GALNT13: variants seen among roughly 807,000 people sequenced by gnomAD.
GALNT13 encodes UDP-GalNAc:polypeptide N-acetylgalactosaminyltransferase 13.
In GALNT13, 28 loss-of-function variants were observed where a neutral mutation model predicts 64.2. The observed-to-expected ratio is 0.44, with a 90% CI of 0.32 to 0.60. The LOEUF is 0.60. Ranked by LOEUF, GALNT13 falls within the 20% of genes least tolerant of loss-of-function variation. The pLI is 0.05. For missense variants in GALNT13, 577 were observed against 669.8 expected (o/e 0.86, Z 1.53); for synonymous variants, 214 against 224.6 (o/e 0.95, Z 0.42).
chr2:153,932,649 T>C (rs1400000991), intron 2 of GALNT13, among the ~76,000 whole-genome samples: 1 of 133,134 alleles, frequency 7.5e-6, no homozygotes, highest in Admixed American at 8.1e-5. Flanking sequence ...TTTTTTGAGA[T>C]GGAGTCTCGC....
At chr2:154,186,968 G>C (rs1423380008) in intron 4 of GALNT13, among the ~76,000 whole-genome samples, 1 of 151,548 alleles carries the variant, frequency 6.6e-6, no homozygotes, top group Non-Finnish European at 1.5e-5. Flanking sequence ...TAAGAAGCAA[G>C]ATTAAATAAC....
At chr2:153,674,128 G>A in the GALNT13 span, among the ~76,000 whole-genome samples, 10 of 152,120 alleles carry the variant, frequency 6.6e-5, no homozygotes, top group East Asian at 1.9e-4. Flanking sequence ...CATACTGTGC[G>A]AGGTAATTTA....
At chr2:153,510,166 C>G in the GALNT13 span, among the ~76,000 whole-genome samples, 5 of 152,280 alleles carry the variant, frequency 3.3e-5, no homozygotes, top group African/African-American at 1.2e-4. Flanking sequence ...TTATTTTAAG[C>G]CACAATATTG....
At chr2:153,880,587 C>G (rs1365822968) in intron 1 of GALNT13, among the ~76,000 whole-genome samples, 1 of 152,072 alleles carries the variant, frequency 6.6e-6, no homozygotes, top group African/African-American at 2.4e-5. Context: ...CATCTTTTCT[C>G]TTTTTCTTAT....
the GALNT13 span, among the ~76,000 whole-genome samples, chr2:153,721,817 G>T: frequency 6.6e-6 from 1 of 151,612 alleles, no homozygotes; most frequent in Non-Finnish European, 1.5e-5. Flanking sequence ...CAAGTCCTGA[G>T]TGACCTACAA....
the GALNT13 span, among the ~76,000 whole-genome samples, chr2:153,722,593 T>G: frequency 6.6e-6 from 1 of 151,312 alleles, no homozygotes; most frequent in Non-Finnish European, 1.5e-5. Flanking sequence ...AAGAATCAAA[T>G]AGACACAATA....
the GALNT13 span, among the ~76,000 whole-genome samples, chr2:153,549,407 A>G: frequency 1.1e-3 from 171 of 152,316 alleles, no homozygotes; most frequent in African/African-American, 3.5e-3. Flanking sequence ...GAAATAAATT[A>G]TTTGTGATTC....
chr2:153,725,311 A>C, the GALNT13 span, among the ~76,000 whole-genome samples: 2 of 150,612 alleles, frequency 1.3e-5, no homozygotes, highest in Non-Finnish European at 2.9e-5. Context: ...TGTGGTGTGG[A>C]GGGGAGAGGG....
chr2:154,350,031 CAAAAG>C (rs1449327706), intron 9 of GALNT13, among the ~76,000 whole-genome samples: 1 of 152,014 alleles, frequency 6.6e-6, no homozygotes, highest in Non-Finnish European at 1.5e-5. Context: ...GATTCAAGGA[CAAAAG>C]AAAAAACCAG....
chr2:154,149,977 G>A (rs954047606), intron 4 of GALNT13, among the ~76,000 whole-genome samples: 3 of 152,140 alleles, frequency 2.0e-5, no homozygotes, highest in African/African-American at 7.2e-5. Flanking sequence ...GAATAGGAGT[G>A]GTGAGAGAGG....
chr2:153,863,842 A>T, the GALNT13 span, among the ~76,000 whole-genome samples: 1 of 152,188 alleles, frequency 6.6e-6, no homozygotes, highest in African/African-American at 2.4e-5. Context: ...GCTCAAAAAG[A>T]GGTATGACCA....
At chr2:153,350,045 C>T in the GALNT13 span, among the ~76,000 whole-genome samples, 2 of 152,202 alleles carry the variant, frequency 1.3e-5, no homozygotes, top group South Asian at 2.1e-4. Flanking sequence ...CCCTGCCTCA[C>T]TCTTACCGAG....
At chr2:153,599,685 C>A in the GALNT13 span, among the ~76,000 whole-genome samples, 1 of 151,870 alleles carries the variant, frequency 6.6e-6, no homozygotes, top group Non-Finnish European at 1.5e-5. Context: ...CCAAGAGACA[C>A]CTGGATATAA....
the GALNT13 span, among the ~76,000 whole-genome samples, chr2:153,804,186 T>C: frequency 2.6e-5 from 4 of 152,204 alleles, no homozygotes; most frequent in Admixed American, 1.3e-4. Context: ...TGTTTCTTTT[T>C]GAGATACAGT....
the GALNT13 span, among the ~76,000 whole-genome samples, chr2:153,306,951 G>T: frequency 2.0e-5 from 3 of 152,240 alleles, no homozygotes; most frequent in South Asian, 4.1e-4. Context: ...GGCCAGGCTG[G>T]TCTTGAACGC....
the GALNT13 span, among the ~76,000 whole-genome samples, chr2:153,232,691 T>G: frequency 6.6e-6 from 1 of 152,186 alleles, no homozygotes; most frequent in African/African-American, 2.4e-5. Flanking sequence ...GGCTGACAGA[T>G]TCTCAATATT....
the GALNT13 span, among the ~76,000 whole-genome samples, chr2:153,627,242 A>G: frequency 1.3e-5 from 2 of 152,228 alleles, no homozygotes; most frequent in South Asian, 4.1e-4. Flanking sequence ...CAGAATTTCC[A>G]AACCTAGAAA....
intron 3 of GALNT13, among the ~76,000 whole-genome samples, chr2:154,049,011 A>C (rs893814661): frequency 6.6e-6 from 1 of 150,918 alleles, no homozygotes; most frequent in Non-Finnish European, 1.5e-5. Context: ...CGTGGAACTT[A>C]CTATGGTTCA....
the GALNT13 span, among the ~76,000 whole-genome samples, chr2:153,681,200 C>T: frequency 6.6e-6 from 1 of 151,884 alleles, no homozygotes; most frequent in African/African-American, 2.4e-5. Flanking sequence ...AGGAATTACA[C>T]CTGCCATAAA....
Sources: gnomAD v4.1 joint callset for allele counts (sites outside exome capture counted in the v4.1 genomes callset) on GRCh38, gnomAD v4.1.1 for gene constraint, MANE v1.5 for transcripts, NCBI Gene and HGNC (gene_info 2026-07-23, HGNC 2026-07-21) for gene names.